Variants in BACH2 observed in about 807,000 individuals in gnomAD.
The protein encoded by BACH2 is BACH transcriptional regulator 2, also known as transcription regulator protein BACH2.
Under a neutral mutation model 61.8 loss-of-function variants are expected in BACH2, and 5 were observed. The observed-to-expected ratio is 0.08, with a 90% CI of 0.04 to 0.17. The LOEUF is 0.17. BACH2 is among the 10% of genes least tolerant of loss of function. BACH2 has a pLI of 1.00. For missense variants in BACH2, 824 were observed against 1,091.1 expected (o/e 0.76, Z 3.45); for synonymous variants, 446 against 440.1 (o/e 1.01, Z -0.17).
intron 5 of BACH2, among the ~76,000 whole-genome samples, chr6:90,075,885 T>C (rs1228373702): frequency 1.3e-5 from 2 of 152,142 alleles, no homozygotes; most frequent in African/African-American, 2.4e-5. Flanking sequence ...GCACCTGGTA[T>C]TGGCTTTTTC....
At position 89,995,407 on chromosome 6, in the gene BACH2, T is replaced by C. The variant is rs888277558; in HGVS notation, c.243+13195A>G. On this transcript the variant is annotated intron_variant, in intron 6 of 8. Coordinates refer to ENST00000257749, the MANE Select transcript of BACH2 (RefSeq NM_021813.4). ...AGTGGGGATGTGTGACAAAGAGACA[T>C]CATGGCTGTCAGCGAAGGGTATTGT... Among the ~76,000 whole-genome samples, 5 of 152,282 alleles carry C rather than the reference T, an allele frequency of 3.3e-5. No individual in the cohort carries two copies. The East Asian group carries it at 9.7e-4, about 29-fold the overall frequency.
chr6:89,956,795 T>C (rs1774450820), intron 6 of BACH2, among the ~76,000 whole-genome samples: 1 of 152,204 alleles, frequency 6.6e-6, no homozygotes, highest in Non-Finnish European at 1.5e-5. Context: ...TGGAACATCA[T>C]TCTCTATATA....
intron 7 of BACH2, among the ~76,000 whole-genome samples, chr6:89,942,729 T>G (rs1375758170): frequency 1.3e-5 from 2 of 152,128 alleles, no homozygotes; most frequent in African/African-American, 4.8e-5. Context: ...TGGTTCTCAG[T>G]GGAGAATCGG....
intron 4 of BACH2, among the ~76,000 whole-genome samples, chr6:90,113,735 C>T (rs1783278254): frequency 6.6e-6 from 1 of 151,676 alleles, no homozygotes. Flanking sequence ...TCAATGAATC[C>T]AGGATTTTTT....
intron 3 of BACH2, among the ~76,000 whole-genome samples, chr6:90,230,843 G>T (rs1468545291): frequency 6.6e-6 from 1 of 152,210 alleles, no homozygotes; most frequent in African/African-American, 2.4e-5. Flanking sequence ...CACAGTGTGA[G>T]TGGCAGAACT....
At chr6:90,248,952 G>C (rs527423732) in intron 3 of BACH2, among the ~76,000 whole-genome samples, 1 of 152,236 alleles carries the variant, frequency 6.6e-6, no homozygotes, top group South Asian at 2.1e-4. Flanking sequence ...ATCAAAAGAA[G>C]GAGTTAAAAA....
At chr6:89,948,479 A>T (rs1468218671) in intron 7 of BACH2, among the ~76,000 whole-genome samples, 3 of 152,266 alleles carry the variant, frequency 2.0e-5, no homozygotes, top group Middle Eastern at 3.4e-3. Flanking sequence ...AAATGCTAGG[A>T]TTACAGGCCT....
rs562480448 is a variant in BACH2 at position 89,937,857 on chromosome 6, T to C, written c.2043+287A>G. On this transcript the variant is annotated intron_variant, in intron 8 of 8. Transcript: ENST00000257749. ...ACATCAGTTATTTTCACATGTTGGA[T>C]GGAAAATAAAAAATAACTACCTCTA... 1.1e-4 allele frequency among the ~76,000 whole-genome samples: 16 copies of C among 152,270 alleles called. 1 individual carries two copies. Among genetic ancestry groups the C allele is most frequent in the Admixed American group, 6.5e-4 (10 of 15,294 alleles).
At chr6:90,040,886 T>C (rs140951310) in intron 5 of BACH2, among the ~76,000 whole-genome samples, 302 of 152,320 alleles carry the variant, frequency 2.0e-3, no homozygotes, top group African/African-American at 6.9e-3. Context: ...GTTGATCACA[T>C]ATATGAAGAA....
At chr6:90,275,285 C>T (rs1331734015) in intron 1 of BACH2, among the ~76,000 whole-genome samples, 3 of 152,172 alleles carry the variant, frequency 2.0e-5, no homozygotes. Flanking sequence ...AATGCACCTG[C>T]ACTGTAAATC....
At chr6:90,133,847 C>G (rs1440807658) in intron 4 of BACH2, among the ~76,000 whole-genome samples, 4 of 152,130 alleles carry the variant, frequency 2.6e-5, no homozygotes, top group African/African-American at 4.8e-5. Context: ...CAGCTTCATT[C>G]ATGTCCCTAC....
chr6:89,989,541 T>C (rs9451309), intron 6 of BACH2, among the ~76,000 whole-genome samples: 28,871 of 151,838 alleles, frequency 0.19, 3,240 homozygotes, highest in African/African-American at 0.32. Flanking sequence ...AAAGGGAGTA[T>C]CCTGGGATAT....
intron 5 of BACH2, among the ~76,000 whole-genome samples, chr6:90,041,335 C>T (rs960330033): frequency 2.6e-4 from 40 of 151,298 alleles, no homozygotes; most frequent in African/African-American, 9.2e-4. Flanking sequence ...AGGAGGTATC[C>T]ATCACTTCTG....
intron 4 of BACH2, among the ~76,000 whole-genome samples, chr6:90,174,967 G>C (rs553371915): frequency 2.6e-5 from 4 of 151,562 alleles, no homozygotes; most frequent in Non-Finnish European, 5.9e-5. Flanking sequence ...ATCCAGGAAA[G>C]TAGTTGGGGA....
chr6:90,027,348 C>T (rs143929186), intron 5 of BACH2, among the ~76,000 whole-genome samples: 3 of 152,320 alleles, frequency 2.0e-5, no homozygotes, highest in African/African-American at 7.2e-5. Flanking sequence ...TAGTGACACA[C>T]ATGCTACATG....
chr6:90,088,803 C>T (rs1782035440), intron 5 of BACH2, among the ~76,000 whole-genome samples, 158 bp downstream of exon 5: 1 of 152,020 alleles, frequency 6.6e-6, no homozygotes, highest in South Asian at 2.1e-4. Context: ...TAAGGAACCA[C>T]CAATATACAG....
At chr6:90,006,267 G>A (rs1195586552) in intron 6 of BACH2, among the ~76,000 whole-genome samples, 1 of 152,164 alleles carries the variant, frequency 6.6e-6, no homozygotes, top group Non-Finnish European at 1.5e-5. Context: ...GCCTACTAGA[G>A]GATAAGGGCT....
intron 6 of BACH2, among the ~76,000 whole-genome samples, chr6:90,004,764 C>G (rs1387073900): frequency 2.0e-5 from 3 of 152,124 alleles, no homozygotes; most frequent in African/African-American, 7.2e-5. Context: ...GAAGAACGGC[C>G]CTGCAATGCT....
rs773782960 is a variant in BACH2 at position 89,951,680 on chromosome 6, C to A, written c.426G>T (p.Val142=). ...QLLNSEDGLF[V]CRKDAACQRP... ...GCTGGCACGCAGCATCCTTCCGGCACACAAACAGGCCATCCTCACTGTTCA... is the reference window on the plus strand; with the variant it reads ...GCTGGCACGCAGCATCCTTCCGGCAAACAAACAGGCCATCCTCACTGTTCA... The change falls in exon 7 of 9, where the codon GTG becomes GTT. Residue 142 remains valine (V), a synonymous_variant. Coordinates refer to ENST00000257749, the MANE Select transcript of BACH2 (RefSeq NM_021813.4). This position sits in a 1 kb window ranked among gnomAD's most constrained non-coding sequence, Gnocchi z 6.4. The A allele has an allele frequency of 6.2e-7, 1 of 1,614,232 alleles. No individual in the cohort carries two copies. The highest frequency in any genetic ancestry group is 1.7e-5 in the Admixed American group (1 of 60,028).
Sources: gnomAD v4.1 joint callset for allele counts (sites outside exome capture counted in the v4.1 genomes callset) on GRCh38, gnomAD v4.1.1 for gene constraint, Gnocchi (gnomAD v3.1) non-coding constraint, MANE v1.5 for transcripts, NCBI Gene and HGNC (gene_info 2026-07-23, HGNC 2026-07-21) for gene names.